The following IGSF11 variants were observed in gnomAD, a reference collection of about 807,000 sequenced individuals.
IGSF11 encodes CXADR like 1.
In IGSF11, 22 loss-of-function variants were observed where a neutral mutation model predicts 41.0. The ratio of observed to expected loss-of-function variants is 0.54; its 90% confidence interval spans 0.38 to 0.77. IGSF11 has a LOEUF of 0.77. Ranked by LOEUF, IGSF11 falls within the 30% of genes least tolerant of loss-of-function variation. IGSF11 has a pLI of 0.00. For missense variants in IGSF11, 444 were observed against 530.8 expected (o/e 0.84, Z 1.61); for synonymous variants, 219 against 201.3 (o/e 1.09, Z -0.74).
At chr3:119,078,303 C>T (rs2076534329) in intron 1 of IGSF11, among the ~76,000 whole-genome samples, 1 of 152,170 alleles carries the variant, frequency 6.6e-6, no homozygotes, top group Non-Finnish European at 1.5e-5. Context: ...CAGCATGGTA[C>T]TGGTACAAAA....
intron 1 of IGSF11, among the ~76,000 whole-genome samples, chr3:118,954,526 A>G (rs1944813517): frequency 1.3e-5 from 2 of 152,080 alleles, no homozygotes; most frequent in Admixed American, 6.6e-5. Flanking sequence ...GTTAATGCTA[A>G]TATTTTGACT....
chr3:118,947,792 A>C (rs1944268653), intron 1 of IGSF11: 1 of 152,188 alleles, frequency 6.6e-6, no homozygotes, highest in Non-Finnish European at 1.5e-5. Flanking sequence ...TTGACTTCTA[A>C]CACCACACTT....
chr3:119,036,631 C>T (rs751567611), upstream of IGSF11, among the ~76,000 whole-genome samples: 11 of 151,900 alleles, frequency 7.2e-5, no homozygotes, highest in Non-Finnish European at 1.2e-4. Flanking sequence ...ATATATTTAT[C>T]GCATCAATTT....
chr3:119,032,679 T>C (rs550466079), intron 1 of IGSF11, among the ~76,000 whole-genome samples: 2 of 152,230 alleles, frequency 1.3e-5, no homozygotes, highest in African/African-American at 4.8e-5. Context: ...AGCCAATTCA[T>C]ACCCTATTCA....
intron 1 of IGSF11, among the ~76,000 whole-genome samples, chr3:119,083,400 G>T (rs1034954553): frequency 3.9e-5 from 6 of 151,988 alleles, no homozygotes; most frequent in Admixed American, 3.3e-4. Flanking sequence ...ACTGCACCTG[G>T]TAAGACTATT....
intron 1 of IGSF11, among the ~76,000 whole-genome samples, chr3:118,968,737 A>T (rs1338658302): frequency 6.6e-6 from 1 of 152,204 alleles, no homozygotes; most frequent in Non-Finnish European, 1.5e-5. Context: ...AAAGTATACC[A>T]TTGCATTAAA....
intron 1 of IGSF11, among the ~76,000 whole-genome samples, chr3:119,050,303 AAAAC>A (rs1389410058): frequency 1.3e-5 from 2 of 152,102 alleles, no homozygotes; most frequent in African/African-American, 4.8e-5. Context: ...TTACAAGAAA[AAAAC>A]AAACAACCCC....
At chr3:119,107,971 T>A (rs1426029545), upstream of IGSF11, among the ~76,000 whole-genome samples, 2 of 150,862 alleles carry the variant, frequency 1.3e-5, no homozygotes, top group Non-Finnish European at 3.0e-5. Flanking sequence ...ACCAGTACCA[T>A]GCTGTTTTGG....
At chr3:119,112,792 C>A (rs1287183601) in intron 1 of IGSF11, 1 of 152,328 alleles carries the variant, frequency 6.6e-6, no homozygotes, top group Non-Finnish European at 1.5e-5. Context: ...TTGATGAACA[C>A]ATAGTGTATT....
intron 1 of IGSF11, chr3:118,949,441 T>A (rs993225860): frequency 6.6e-6 from 1 of 151,412 alleles, no homozygotes; most frequent in Admixed American, 6.6e-5. Flanking sequence ...CATGAACATA[T>A]ACAGACACAA....
intron 1 of IGSF11, among the ~76,000 whole-genome samples, chr3:119,141,042 T>TAAAAAAA (rs35323898): frequency 1.0e-5 from 1 of 99,774 alleles, no homozygotes; most frequent in Non-Finnish European, 1.9e-5. Flanking sequence ...TCTGTCTCAT[T>TAAAAAAA]AAAAAAAAAA....
Position 119,125,400 on chromosome 3 carries a change from G to T in IGSF11, c.-13-20195C>A, listed in dbSNP as rs571532200. 1.6e-4 allele frequency among the ~76,000 whole-genome samples: 24 copies of T among 152,274 alleles called. No individual in the cohort carries two copies. The South Asian group carries it at 4.8e-3, about 30-fold the overall frequency. ...TGCAAAGGGTGGTGGGATTATCATT[G>T]GTTCCTACAGGTTTCAGATAGGCAG... On this transcript the variant is annotated intron_variant, in intron 1 of 7. Transcript: ENST00000425327.
chr3:119,065,776 C>T (rs568257001), intron 1 of IGSF11, among the ~76,000 whole-genome samples: 10 of 116,528 alleles, frequency 8.6e-5, no homozygotes, highest in African/African-American at 3.6e-4. Context: ...CTGGGTGACA[C>T]AGTGAGACTC....
At position 118,902,311 on chromosome 3, in the gene IGSF11, C is replaced by CT; in HGVS notation, c.*208dup. On this transcript the variant is annotated 3_prime_UTR_variant, in exon 7 of 7. Transcript: ENST00000393775. ...GAGATCCAGCAGAATCCCAGGACAT[C>CT]TTTGGTGGGGAAGCAAGTCTTCATG... 1.9e-6 allele frequency: 1 copy of CT among 516,200 alleles called. No homozygotes were observed. Among genetic ancestry groups the CT allele is most frequent in the Non-Finnish European group, 3.4e-6 (1 of 291,088 alleles). 32.0% of individuals were successfully genotyped at this position (516,200 alleles called of 1,614,324 possible). A position where few individuals can be genotyped will look rare whatever the true frequency, so the allele number is the denominator to read the frequency against.
chr3:119,143,375 T>C (rs2107551811), intron 1 of IGSF11, among the ~76,000 whole-genome samples: 1 of 152,236 alleles, frequency 6.6e-6, no homozygotes, highest in East Asian at 1.9e-4. Context: ...TTGTATACCA[T>C]TGAAGCTAGG....
chr3:118,909,675 T>C (rs1367760268), intron 4 of IGSF11, among the ~76,000 whole-genome samples: 2 of 152,276 alleles, frequency 1.3e-5, no homozygotes, highest in African/African-American at 2.4e-5. Context: ...GGATACATCC[T>C]GCTTCACAGC....
chr3:119,107,587 T>C (rs2077056552), upstream of IGSF11, among the ~76,000 whole-genome samples: 1 of 152,050 alleles, frequency 6.6e-6, no homozygotes, highest in Non-Finnish European at 1.5e-5. Flanking sequence ...AGCTCTTTAG[T>C]TTAATTAGAT....
chr3:119,032,686 T>C (rs1261888773), intron 1 of IGSF11, among the ~76,000 whole-genome samples: 3 of 152,242 alleles, frequency 2.0e-5, no homozygotes, highest in African/African-American at 7.2e-5. Flanking sequence ...TCATACCCTA[T>C]TCATTCAATG....
chr3:119,139,627 A>ACT (rs974433335), intron 1 of IGSF11, among the ~76,000 whole-genome samples: 1 of 151,758 alleles, frequency 6.6e-6, no homozygotes, highest in African/African-American at 2.4e-5. Flanking sequence ...CCCAGTCACA[A>ACT]CTCTAAGTCC....
Sources: gnomAD v4.1 joint callset for allele counts (sites outside exome capture counted in the v4.1 genomes callset) on GRCh38, gnomAD v4.1.1 for gene constraint, MANE v1.5 for transcripts, NCBI Gene and HGNC (gene_info 2026-07-23, HGNC 2026-07-21) for gene names.